EFCAB6: variants seen among roughly 807,000 people sequenced by gnomAD.
EFCAB6 encodes EF-hand calcium binding domain 6, also known as EF-hand calcium-binding domain-containing protein 6.
Under a neutral mutation model 169.8 loss-of-function variants are expected in EFCAB6, and 156 were observed. The observed-to-expected ratio is 0.92, with a 90% CI of 0.81 to 1.05. The LOEUF (loss-of-function observed/expected upper bound fraction) is 1.05. EFCAB6 is among the 50% of genes least tolerant of loss of function. EFCAB6 has a pLI of 0.00. For synonymous variants in EFCAB6, 698 were observed against 676.4 expected, an observed-to-expected ratio of 1.03 and a Z score of -0.50; for missense variants, 1,800 against 1,829.1, an observed-to-expected ratio of 0.98 and a Z score of 0.29.
chr22:43,743,644 G>C (rs560235308), intron 6 of EFCAB6, among the ~76,000 whole-genome samples: 1 of 152,196 alleles, frequency 6.6e-6, no homozygotes, highest in Non-Finnish European at 1.5e-5. Context: ...TGGGATCAAA[G>C]GCTAAGAATA....
intron 15 of EFCAB6, among the ~76,000 whole-genome samples, chr22:43,669,894 C>A (rs542543669): frequency 6.6e-6 from 1 of 152,182 alleles, no homozygotes; most frequent in African/African-American, 2.4e-5. Context: ...CTTCTTCACT[C>A]GATTCTTTTA....
intron 27 of EFCAB6, 169 bp from the exon 28 acceptor site, chr22:43,540,526 G>A (rs754627516): frequency 3.5e-5 from 53 of 1,530,000 alleles, no homozygotes; most frequent in African/African-American, 1.1e-4. Flanking sequence ...TTCGCTCGGC[G>A]GAGGCCTCAG....
chr22:43,636,283 G>C (rs1484638255), intron 17 of EFCAB6, among the ~76,000 whole-genome samples: 3 of 152,190 alleles, frequency 2.0e-5, no homozygotes, highest in African/African-American at 7.2e-5. Flanking sequence ...GTTCCAGGTG[G>C]TGGAGCAGTG....
chr22:43,596,553 A>T (rs1415855581), intron 23 of EFCAB6, among the ~76,000 whole-genome samples: 2 of 152,146 alleles, frequency 1.3e-5, no homozygotes, highest in Non-Finnish European at 2.9e-5. Context: ...GAAATGAAAG[A>T]GCTATACAAA....
At chr22:43,607,219 G>A (rs1472981758) in intron 22 of EFCAB6, among the ~76,000 whole-genome samples, 1 of 152,134 alleles carries the variant, frequency 6.6e-6, no homozygotes, top group Non-Finnish European at 1.5e-5. Context: ...GCAGACAGGT[G>A]GCCTGCTGAA....
chr22:43,579,265 TGCAGGCATTATTCCCTATAC>T (rs921889020), intron 25 of EFCAB6, among the ~76,000 whole-genome samples: 2 of 147,668 alleles, frequency 1.4e-5, no homozygotes, highest in East Asian at 2.1e-4. Flanking sequence ...ATTCCCTACA[TGCAGGCATTATTCCCTATAC>T]GCAGGCATTA....
intron 26 of EFCAB6, 25 bp downstream of exon 26, chr22:43,576,272 G>T: frequency 6.5e-6 from 10 of 1,549,486 alleles, no homozygotes; most frequent in Non-Finnish European, 8.6e-6. Flanking sequence ...TCAAAGAGAT[G>T]CTTATGTGCT....
intron 30 of EFCAB6, among the ~76,000 whole-genome samples, chr22:43,534,156 C>G (rs2047249174): frequency 6.6e-6 from 1 of 152,166 alleles, no homozygotes; most frequent in African/African-American, 2.4e-5. Context: ...AGGGAGGGAC[C>G]TGGTGGGAGG....
At position 43,795,023 on chromosome 22, in the gene EFCAB6, G is replaced by T. The variant is rs907901541; in HGVS notation, c.-7-12698C>A. The stretch of plus-strand genomic sequence containing the variant: ...GGACACAGTCTCCCTCCACCAAGGA[G>T]CTCCCCAGGCCCTGTACAGCCCCTT... On this transcript the variant is annotated intron_variant, in intron 2 of 31. Coordinates refer to ENST00000262726, the MANE Select transcript of EFCAB6 (RefSeq NM_022785.4). This position sits in a 1 kb window ranked among gnomAD's most constrained non-coding sequence, Gnocchi z 4.2. Among the ~76,000 whole-genome samples, 2 of 152,140 alleles carry T rather than the reference G, an allele frequency of 1.3e-5. No homozygotes were observed. Among genetic ancestry groups the T allele is most frequent in the African/African-American group, 4.8e-5 (2 of 41,416 alleles).
At chr22:43,687,389 A>G (rs1382591552) in intron 11 of EFCAB6, 82 bp downstream of exon 11, 2 of 855,104 alleles carry the variant, frequency 2.3e-6, no homozygotes, top group Non-Finnish European at 3.5e-6. Context: ...AAATGCAGAA[A>G]AAGTAGCACA....
chr22:43,695,641 G>A (rs1470393710), intron 10 of EFCAB6, among the ~76,000 whole-genome samples: 8 of 152,132 alleles, frequency 5.3e-5, no homozygotes, highest in South Asian at 4.1e-4. Flanking sequence ...AGAATAGACC[G>A]ACAGAGACTA....
At chr22:43,535,130 TA>T in intron 29 of EFCAB6, 1 of 416,402 alleles carries the variant, frequency 2.4e-6, no homozygotes, top group African/African-American at 2.1e-5. Context: ...GGACAGAGAC[TA>T]TGGGAGCTAT....
chr22:43,577,469 G>A (rs2050335728), intron 25 of EFCAB6, among the ~76,000 whole-genome samples: 1 of 152,334 alleles, frequency 6.6e-6, no homozygotes, highest in African/African-American at 2.4e-5. Flanking sequence ...TGAGGTAGCT[G>A]TGTACAGTGG....
intron 5 of EFCAB6, chr22:43,759,679 C>G (rs996721536): frequency 6.6e-6 from 1 of 152,192 alleles, no homozygotes; most frequent in Non-Finnish European, 1.5e-5. Context: ...CTTACCAGCT[C>G]TCATATACTC....
chr22:43,540,970 G>GA lies in EFCAB6; in HGVS notation c.3649-614dup, dbSNP rs1050627079. On this transcript the variant is annotated intron_variant, in intron 27 of 31. Transcript: ENST00000262726. ...ATCAAAACCACACACCATGAAGATA[G>GA]AAAAAAAAATGAATGACTCAATGCA... Among the ~76,000 whole-genome samples, 558 of 127,264 alleles carry GA rather than the reference G, an allele frequency of 4.4e-3. 2 individuals are homozygous for GA. Among genetic ancestry groups the GA allele is most frequent in the African/African-American group, 0.016 (533 of 32,818 alleles). 83.5% of individuals were successfully genotyped at this position (127,264 alleles called of 152,430 possible).
At chr22:43,594,105 G>A (rs902577517) in intron 23 of EFCAB6, among the ~76,000 whole-genome samples, 6 of 151,466 alleles carry the variant, frequency 4.0e-5, no homozygotes, top group Admixed American at 2.0e-4. Flanking sequence ...GAGAAACCCC[G>A]TCTCTGCTAA....
intron 17 of EFCAB6, among the ~76,000 whole-genome samples, chr22:43,641,572 C>G (rs986746620): frequency 2.0e-5 from 3 of 150,502 alleles, no homozygotes; most frequent in Admixed American, 1.3e-4. Context: ...GCTGACATTG[C>G]GCCTTTACAC....
At chr22:43,622,914 C>G (rs2054205585) in intron 20 of EFCAB6, among the ~76,000 whole-genome samples, 1 of 152,150 alleles carries the variant, frequency 6.6e-6, no homozygotes. Context: ...ACAACGACAC[C>G]ATGCTCGGGG....
chr22:43,765,467 T>C (rs902600406), intron 4 of EFCAB6, 74 bp from the exon 5 acceptor site: 1 of 1,125,786 alleles, frequency 8.9e-7, no homozygotes, highest in Non-Finnish European at 1.3e-6. Flanking sequence ...AGCAGATTTC[T>C]AAATCACAGC....
Sources: allele counts gnomAD v4.1 joint callset (sites outside exome capture counted in the v4.1 genomes callset), GRCh38; gene constraint gnomAD v4.1.1; non-coding constraint Gnocchi (gnomAD v3.1); transcripts MANE v1.5; gene names NCBI Gene and HGNC (gene_info 2026-07-23, HGNC 2026-07-21).